The following LRWD1 variants were observed in gnomAD, a reference collection of about 807,000 sequenced individuals.
LRWD1 encodes the protein leucine rich repeats and WD repeat domain containing 1, also known as leucine-rich repeat and WD repeat-containing protein 1.
A neutral mutation model predicts 75.6 loss-of-function variants in LRWD1; 76 were observed. The observed-to-expected ratio is 1.01, with a 90% CI of 0.84 to 1.22. The LOEUF (loss-of-function observed/expected upper bound fraction) is 1.22. Ranked by LOEUF, LRWD1 falls within the 50% of genes most tolerant of loss-of-function variation. The pLI is 0.00. For synonymous variants in LRWD1, 487 were observed against 377.0 expected (o/e 1.29, Z -3.38); for missense variants, 917 against 862.0 (o/e 1.06, Z -0.80).
chr7:102,467,384 G>GA lies in LRWD1; in HGVS notation c.479dup (p.Glu161GlyfsTer3). 6.2e-7 allele frequency: 1 copy of GA among 1,613,622 alleles called. No individual in the cohort carries two copies. The highest frequency in any genetic ancestry group is 8.5e-7 in the Non-Finnish European group (1 of 1,179,846). On this transcript the variant is annotated frameshift_variant, in exon 4 of 15. Transcript: ENST00000292616. LOFTEE classifies it high-confidence loss of function. ...GTTCATGGCCACACTGGGTCCTGAA[G>GA]AGGAGGCTGAGAAGGCCCAGGCGGA...
rs376230863 is a variant in LRWD1 at position 102,473,026 on chromosome 7, G to A, written c.1921G>A (p.Val641Ile). 5.1e-5 allele frequency: 83 copies of A among 1,613,600 alleles called. No individual in the cohort carries two copies. Among genetic ancestry groups the A allele is most frequent in the South Asian group, 1.9e-4 (17 of 91,042 alleles). The change falls in exon 15 of 15, where the codon GTA becomes ATA. Residue 641 changes from valine (V) to isoleucine (I), a missense_variant. Val to Ile is a conservative substitution (Grantham distance 29). Transcript: ENST00000292616. ...CACCGCCCTGACGGACTCCAACATC[G>A]TAGCCATCTGGGGGAGGATGTAGCC... is the stretch of plus-strand genomic sequence containing the variant. ...YLTALTDSNI[V>I]AIWGRM
rs867186127 is a variant in LRWD1, at chr7:102,468,109, C to G, written c.726C>G (p.Leu242=). The change falls in exon 6 of 15, where the codon CTC becomes CTG. Residue 242 remains leucine (L), a synonymous_variant. Coordinates refer to ENST00000292616, the MANE Select transcript of LRWD1 (RefSeq NM_152892.3). The stretch of plus-strand genomic sequence containing the variant: ...GGCCAGACGACGTCCCACTCAGCCT[C>G]TCTCCCAGCAAGCGGGCGTGTGCCT... ...LKRPDDVPLS[L]SPSKRACASP... is the part of the protein sequence containing the mutation. 8.7e-6 allele frequency: 14 copies of G among 1,610,536 alleles called. No individual in the cohort carries two copies. Among genetic ancestry groups the G allele is most frequent in the Middle Eastern group, 1.6e-4 (1 of 6,080 alleles).
Position 102,469,574 on chromosome 7 carries a change from C to G in LRWD1, c.1229C>G (p.Thr410Arg). 6.2e-7 allele frequency: 1 copy of G among 1,614,130 alleles called. No homozygotes were observed. Among genetic ancestry groups the G allele is most frequent in the Non-Finnish European group, 8.5e-7 (1 of 1,179,974 alleles). The change falls in exon 10 of 15, where the codon ACG becomes AGG. Residue 410 changes from threonine to arginine, a missense_variant and splice_region_variant. Physicochemically the swap from Thr to Arg is moderately conservative, Grantham distance 71. Transcript: ENST00000292616. ...FSPAHETHLF[T>R]ASYDKRIILW... Reference sequence around the variant, plus strand: ...CTCCCCTACCCCACCCCCTCTTCAGCGGCCTCCTATGACAAGCGGATCATC... The same window carrying G: ...CTCCCCTACCCCACCCCCTCTTCAGGGGCCTCCTATGACAAGCGGATCATC...
chr7:102,465,721 AAATG>A (rs1187666846), intron 1 of LRWD1, 92 bp from the exon 2 acceptor site: 8 of 857,366 alleles, frequency 9.3e-6, no homozygotes, highest in Non-Finnish European at 1.5e-5. Context: ...CTTGTACGAG[AAATG>A]TCAGGTGAAA....
Position 102,472,260 on chromosome 7 carries a change from A to G in LRWD1, c.1485A>G (p.Ala495=). 1.9e-6 allele frequency: 3 copies of G among 1,596,222 alleles called. No homozygotes were observed. The South Asian group carries it at 3.4e-5, about 18-fold the overall frequency. The change falls in exon 12 of 15, where the codon GCA becomes GCG. Residue 495 remains alanine (A), a synonymous_variant. Transcript: ENST00000292616. Reference sequence around the variant, plus strand: ...TCGTCTTCTCTGAGGGCTCCGAGGCATCTGGACGGAGAGTGGATGGGCTGG... The same window carrying G: ...TCGTCTTCTCTGAGGGCTCCGAGGCGTCTGGACGGAGAGTGGATGGGCTGG... The part of the protein sequence containing the change: ...VEFVFSEGSE[A]SGRRVDGLAF...
rs1454147213 is a variant in LRWD1 at position 102,472,032 on chromosome 7, T to G, written c.1443-186T>G. 4.6e-5 allele frequency: 28 copies of G among 602,886 alleles called. No individual in the cohort carries two copies. In the East Asian group the frequency reaches 4.7e-4, roughly 10 times the overall value. 37.3% of individuals were successfully genotyped at this position (602,886 alleles called of 1,614,324 possible). ...ACTACTGTGACTCGGGACACTCAGG[T>G]GCTGGCTCCCCCTTCCAGGGCAAAC... is the stretch of plus-strand genomic sequence containing the variant. On this transcript the variant is annotated intron_variant, in intron 11 of 14. Coordinates refer to ENST00000292616, the MANE Select transcript of LRWD1 (RefSeq NM_152892.3).
intron 1 of LRWD1, chr7:102,465,522 T>TAAG (rs1797940507): frequency 7.8e-6 from 1 of 128,696 alleles, no homozygotes; most frequent in Non-Finnish European, 1.6e-5. Flanking sequence ...TTTTTTTTTT[T>TAAG]TTTGTTAAGT....
intron 1 of LRWD1, 30 bp downstream of exon 1, chr7:102,465,190 T>C: frequency 6.9e-7 from 1 of 1,438,884 alleles, no homozygotes; most frequent in Non-Finnish European, 9.1e-7. Flanking sequence ...TGAGGCTGTG[T>C]CCTCGGGGCC....
At chr7:102,467,903 G>C in intron 5 of LRWD1, 80 bp downstream of exon 5, 1 of 1,512,512 alleles carries the variant, frequency 6.6e-7, no homozygotes, top group African/African-American at 1.4e-5. Context: ...GGCGTCCTGG[G>C]CATGTGCCCA....
In LRWD1 at chr7:102,467,461, C is replaced by G. The variant is rs560973225; in HGVS notation, c.555C>G (p.Ser185Arg). Residue 185 changes from serine (S) to arginine (R), a missense_variant, in exon 4 of 15, where the codon AGC becomes AGG. By Grantham distance (110) the Ser-to-Arg change is moderately radical (BLOSUM62 -1). Coordinates refer to ENST00000292616, the MANE Select transcript of LRWD1 (RefSeq NM_152892.3). ...RDVRYGPESLSEFTQWRVRMI... is the reference protein window; with the variant it reads ...RDVRYGPESLREFTQWRVRMI... ...TCCGCTACGGGCCCGAGTCCCTCAG[C>G]GAGTTCACCCAGTGGCGGGTATGTC... The G allele has an allele frequency of 6.2e-7, 1 of 1,613,498 alleles. No individual in the cohort carries two copies. Among genetic ancestry groups the G allele is most frequent in the Non-Finnish European group, 8.5e-7 (1 of 1,179,966 alleles).
intron 8 of LRWD1, 99 bp downstream of exon 8, chr7:102,468,753 CT>C: frequency 6.6e-7 from 1 of 1,526,312 alleles, no homozygotes; most frequent in South Asian, 1.2e-5. Context: ...GCCCCATGGC[CT>C]TTTTCTTTCA....
At position 102,467,336 on chromosome 7, in the gene LRWD1, C is replaced by T; in HGVS notation, c.433-3C>T. On this transcript the variant is annotated splice_polypyrimidine_tract_variant and splice_region_variant and intron_variant, in intron 3 of 14. Coordinates refer to ENST00000292616, the MANE Select transcript of LRWD1 (RefSeq NM_152892.3). ...GGCCTGGATCTGGTCCCTCTTGCACCAGGTCACAGCTCACTGGGAGAAGTT... is the reference window on the plus strand; with the variant it reads ...GGCCTGGATCTGGTCCCTCTTGCACTAGGTCACAGCTCACTGGGAGAAGTT... The T allele has an allele frequency of 1.9e-6, 3 of 1,601,820 alleles. No individual in the cohort carries two copies. Among genetic ancestry groups the T allele is most frequent in the Non-Finnish European group, 1.7e-6 (2 of 1,174,568 alleles).
rs765655034 is a variant in LRWD1, at chr7:102,468,366, C to G, written c.908C>G (p.Ala303Gly). The G allele has an allele frequency of 2.2e-5, 36 of 1,607,316 alleles. No individual in the cohort carries two copies. The highest frequency in any genetic ancestry group is 3.1e-5 in the Non-Finnish European group (36 of 1,177,420). The stretch of plus-strand genomic sequence containing the variant: ...CTGTGGGCCTGTGCCTTCGAGCCGG[C>G]CTGGGAGGAGGGTACATGGTGGCGG... The part of the protein sequence containing the change: ...TQLWACAFEP[A>G]WEEGATSQTV... Residue 303 changes from alanine to glycine, a missense_variant, in exon 7 of 15, where the codon GCC (alanine) becomes GGC (glycine). Coordinates refer to ENST00000292616, the MANE Select transcript of LRWD1 (RefSeq NM_152892.3).
chr7:102,472,083 ATC>A (rs1798209516), intron 11 of LRWD1, 133 bp from the exon 12 acceptor site: 2 of 784,970 alleles, frequency 2.5e-6, no homozygotes, highest in Admixed American at 2.2e-5. Context: ...CCAAGAATGT[ATC>A]TCTTTGGTGG....
At position 102,472,467 on chromosome 7, in the gene LRWD1, C is replaced by T. The variant is rs184787600; in HGVS notation, c.1548C>T (p.Ser516=). The T allele has an allele frequency of 0.011, 17,114 of 1,535,066 alleles. 105 individuals carry two copies. The highest frequency in any genetic ancestry group is 0.013 in the Non-Finnish European group (14,887 of 1,138,070). The part of the protein sequence containing the change: ...VNEDIVASKG[S]GLGTICLWSW... ...TCTCCCCCACAGCCTCCAAGGGGAG[C>T]GGCCTGGGCACCATCTGCCTGTGGA... The change falls in exon 13 of 15, where the codon AGC becomes AGT. Residue 516 remains serine, a synonymous_variant. Transcript: ENST00000292616.
rs61229695 is a variant in LRWD1 at position 102,473,116 on chromosome 7, T to TGG, written c.*75_*76dup. ...TTATTCAGCTTTGGGCCGATGGGGG[T>TGG]GGGGGGGGGTCTTTCAGTGAATATT... is the stretch of plus-strand genomic sequence containing the variant. On this transcript the variant is annotated 3_prime_UTR_variant, in exon 15 of 15. Coordinates refer to ENST00000292616, the MANE Select transcript of LRWD1 (RefSeq NM_152892.3). 49 of 1,211,902 alleles carry TGG rather than the reference T, an allele frequency of 4.0e-5. No homozygotes were observed. In the African/African-American group the frequency reaches 7.2e-4, roughly 18 times the overall value. 75.1% of individuals were successfully genotyped at this position (1,211,902 alleles called of 1,614,324 possible).
Position 102,472,580 on chromosome 7 carries a change from T to C in LRWD1, c.1661T>C (p.Leu554Ser). Residue 554 changes from leucine to serine, a missense_variant, in exon 13 of 15, where the codon TTG becomes TCG. Transcript: ENST00000292616. Reference sequence around the variant, plus strand: ...CGGCTGCAATGGTCGTCCACCGAGTTGGCCTACTTCTCGCTCAGCGCCTGC... The same window carrying C: ...CGGCTGCAATGGTCGTCCACCGAGTCGGCCTACTTCTCGCTCAGCGCCTGC... ...LARLQWSSTE[L>S]AYFSLSACPD... 1 of 1,608,638 alleles carries C rather than the reference T, an allele frequency of 6.2e-7. No individual in the cohort carries two copies. The highest frequency in any genetic ancestry group is 2.2e-5 in the East Asian group (1 of 44,758).
At position 102,468,157 on chromosome 7, in the gene LRWD1, C is replaced by T; in HGVS notation, c.774C>T (p.Gly258=). 17 of 1,606,916 alleles carry T rather than the reference C, an allele frequency of 1.1e-5. No homozygotes were observed. Among genetic ancestry groups the T allele is most frequent in the Non-Finnish European group, 1.4e-5 (16 of 1,177,730 alleles). Residue 258 remains glycine (G), a synonymous_variant, in exon 6 of 15, where the codon GGC becomes GGT. Transcript: ENST00000292616. ...CCTCCCCGTCGGCCCAGGTGGAGGG[C>T]AGCCCTGTGGCAGGCTCCGATGGCA... ...ACASPSAQVE[G]SPVAGSDGSQ...
chr7:102,467,163 GT>G (rs1798020068), intron 3 of LRWD1, among the ~76,000 whole-genome samples, 175 bp from the exon 4 acceptor site: 1 of 15,636 alleles, frequency 6.4e-5, no homozygotes, highest in South Asian at 1.2e-3. Flanking sequence ...TTGCTGGGGT[GT>G]GTGTGGGGTG....
Sources: gnomAD v4.1 joint callset for allele counts (sites outside exome capture counted in the v4.1 genomes callset) on GRCh38, gnomAD v4.1.1 for gene constraint, MANE v1.5 for transcripts, NCBI Gene and HGNC (gene_info 2026-07-23, HGNC 2026-07-21) for gene names.